NOS1: variants seen among roughly 807,000 people sequenced by gnomAD.
NOS1 encodes the protein nitric oxide synthase 1, also known as NOS type I.
NOS1 carries 51 observed loss-of-function variants against 164.5 expected under a neutral mutation model. The ratio of observed to expected loss-of-function variants is 0.31; its 90% CI spans 0.25 to 0.39. The LOEUF is 0.39. NOS1 is among the 10% of genes least tolerant of loss of function. The probability of loss-of-function intolerance (pLI) is 1.00; values close to 1 mark genes in which losing one functional copy is unlikely to be tolerated. For missense variants in NOS1, 1,362 were observed against 1,885.6 expected (o/e 0.72, Z 5.14); for synonymous variants, 719 against 745.8 (o/e 0.96, Z 0.59).
Position 117,330,993 on chromosome 12 carries a change from C to T in NOS1, c.77G>A (p.Gly26Glu). 3 of 1,614,198 alleles carry T rather than the reference C, an allele frequency of 1.9e-6. No individual in the cohort carries two copies. The highest frequency in any genetic ancestry group is 2.5e-6 in the Non-Finnish European group (3 of 1,180,044). ...CTCCTTCACCAGAAATCCCAGGCCCCCAACTTTGCGCTTGAAGAGACGAAC... is the reference window on the plus strand; with the variant it reads ...CTCCTTCACCAGAAATCCCAGGCCCTCAACTTTGCGCTTGAAGAGACGAAC... ...ISVRLFKRKV[G>E]GLGFLVKERV... Residue 26 changes from glycine to glutamate, a missense_variant, in exon 2 of 29, where the codon GGG becomes GAG. By Grantham distance (98) the Gly-to-Glu change is moderately conservative. This residue lies in a region of NOS1 where 362 missense variants were observed against 402.0 expected (regional missense o/e 0.90). Coordinates refer to ENST00000317775, the MANE Select transcript of NOS1 (RefSeq NM_000620.5). The surrounding 1 kb of genome is among the most constrained non-coding windows in gnomAD (Gnocchi z 4.6).
At chr12:117,326,052 G>A (rs1875229192) in intron 2 of NOS1, among the ~76,000 whole-genome samples, 1 of 152,150 alleles carries the variant, frequency 6.6e-6, no homozygotes, top group South Asian at 2.1e-4. Context: ...CCATGAATTA[G>A]CATCCAGTTA....
intron 25 of NOS1, among the ~76,000 whole-genome samples, chr12:117,223,527 T>C (rs1868385111): frequency 6.6e-6 from 1 of 151,710 alleles, no homozygotes; most frequent in African/African-American, 2.4e-5. Flanking sequence ...CCCAAAGTGT[T>C]AGGATTATAA....
In NOS1 at chr12:117,253,627, C is replaced by A. The variant is rs1280564373; in HGVS notation, c.2648+11G>T. On this transcript the variant is annotated intron_variant, in intron 17 of 28. Transcript: ENST00000317775. ...TTCCCTGACCCCCGACCCCCTTATCCCCTTGCTCACCTCACATTGGCCAGG... is the reference window on the plus strand; with the variant it reads ...TTCCCTGACCCCCGACCCCCTTATCACCTTGCTCACCTCACATTGGCCAGG... The A allele has an allele frequency of 1.9e-6, 3 of 1,596,044 alleles. No homozygotes were observed. The highest frequency in any genetic ancestry group is 1.1e-5 in the South Asian group (1 of 90,674).
Position 117,209,024 on chromosome 12 carries a change from G to T in NOS1, c.*6285C>A. On this transcript the variant is annotated 3_prime_UTR_variant, in exon 29 of 29. Transcript: ENST00000317775. ...AGGCATGAGCCACCACGCCTGGCCT[G>T]GGAGGGGTTTTTGAAAGCATACTGC... 1.0e-6 allele frequency: 1 copy of T among 985,012 alleles called. No individual in the cohort carries two copies. Among genetic ancestry groups the T allele is most frequent in the Non-Finnish European group, 1.2e-6 (1 of 829,670 alleles). 61.0% of individuals were successfully genotyped at this position (985,012 alleles called of 1,614,324 possible).
intron 26 of NOS1, 70 bp from the exon 27 acceptor site, chr12:117,220,339 C>A: frequency 6.8e-7 from 1 of 1,463,674 alleles, no homozygotes. Context: ...CATGTCTGCC[C>A]AGGAAGCAGA....
chr12:117,327,064 C>A (rs1330705004), intron 2 of NOS1, among the ~76,000 whole-genome samples: 1 of 152,132 alleles, frequency 6.6e-6, no homozygotes, highest in African/African-American at 2.4e-5. Context: ...TGAAATAGAG[C>A]CCCTCAGAAC....
At chr12:117,238,645 T>C (rs752093445) in intron 20 of NOS1, among the ~76,000 whole-genome samples, 12 of 152,148 alleles carry the variant, frequency 7.9e-5, no homozygotes, top group Non-Finnish European at 1.5e-4. Context: ...GCTTCCTGAG[T>C]AGCTGAGATT....
chr12:117,258,821 G>A (rs763055428), intron 15 of NOS1, among the ~76,000 whole-genome samples: 1 of 152,156 alleles, frequency 6.6e-6, no homozygotes, highest in South Asian at 2.1e-4. Flanking sequence ...TTTCACCAGG[G>A]ACTTGCTAAC....
rs1956527874 is a variant in NOS1 at position 117,211,484 on chromosome 12, G to T, written c.*3825C>A. The stretch of plus-strand genomic sequence containing the variant: ...TCCAATCGCCTTAATGTCCCTTTTT[G>T]AAAAACATTCTTAGGGACTCCCTGT... On this transcript the variant is annotated 3_prime_UTR_variant, in exon 29 of 29. Coordinates refer to ENST00000317775, the MANE Select transcript of NOS1 (RefSeq NM_000620.5). 1.0e-6 allele frequency: 1 copy of T among 984,334 alleles called. No homozygotes were observed. Among genetic ancestry groups the T allele is most frequent in the African/African-American group, 1.7e-5 (1 of 57,216 alleles). 61.0% of individuals were successfully genotyped at this position (984,334 alleles called of 1,614,324 possible).
intron 10 of NOS1, among the ~76,000 whole-genome samples, chr12:117,270,217 G>A (rs979291542): frequency 1.3e-5 from 2 of 152,166 alleles, no homozygotes; most frequent in African/African-American, 4.8e-5. Context: ...GTCACTGGTG[G>A]GAACCCAGGT....
At chr12:117,337,628 A>T (rs574198741) in intron 1 of NOS1, among the ~76,000 whole-genome samples, 1 of 152,304 alleles carries the variant, frequency 6.6e-6, no homozygotes, top group East Asian at 1.9e-4. Context: ...AAAATGACAA[A>T]GAGGGTTTGC....
rs1432786008 is a variant in NOS1, at chr12:117,272,592, A to T, written c.1665-33T>A. ...GAGCAACAGGGCCCAGCTCACCCGG[A>T]GCAGGTGTCTCATGGGCGGGACAGC... On this transcript the variant is annotated intron_variant, in intron 9 of 28. Transcript: ENST00000317775. The surrounding 1 kb of genome is among the most constrained non-coding windows in gnomAD (Gnocchi z 4.3). 2 of 1,600,486 alleles carry T rather than the reference A, an allele frequency of 1.2e-6. No homozygotes were observed. Among genetic ancestry groups the T allele is most frequent in the Non-Finnish European group, 1.7e-6 (2 of 1,173,238 alleles).
chr12:117,210,488 A>T lies in NOS1; in HGVS notation c.*4821T>A. The T allele has an allele frequency of 4.1e-6, 4 of 985,502 alleles. No homozygotes were observed. The highest frequency in any genetic ancestry group is 4.8e-6 in the Non-Finnish European group (4 of 829,984). The allele number at this position is 985,502 out of a possible 1,614,324, so 61.0% of individuals were successfully genotyped here. ...ATGCTGGGTATGTGGGGCAGCGGGT[A>T]GGGAAATATACAAGGAAACATGGCT... On this transcript the variant is annotated 3_prime_UTR_variant, in exon 29 of 29. Coordinates refer to ENST00000317775, the MANE Select transcript of NOS1 (RefSeq NM_000620.5).
chr12:117,353,301 A>G (rs1876715458), intron 1 of NOS1, among the ~76,000 whole-genome samples: 2 of 148,734 alleles, frequency 1.3e-5, no homozygotes. Context: ...CTATCTGTCT[A>G]TCTATCATCT....
intron 17 of NOS1, among the ~76,000 whole-genome samples, chr12:117,248,815 G>A (rs9658454): frequency 0.085 from 12,742 of 149,064 alleles, 1,740 homozygotes; most frequent in African/African-American, 0.3. Flanking sequence ...TCCCACCAAC[G>A]GTGTAAAAGT....
intron 16 of NOS1, 35 bp from the exon 17 acceptor site, chr12:117,253,789 CT>C: frequency 2.8e-6 from 4 of 1,450,810 alleles, no homozygotes; most frequent in South Asian, 1.1e-5. Flanking sequence ...GAGCTCTGGC[CT>C]GGAGCTCCCT....
At chr12:117,344,726 C>T (rs764105579) in intron 1 of NOS1, among the ~76,000 whole-genome samples, 43 of 152,148 alleles carry the variant, frequency 2.8e-4, no homozygotes, top group Non-Finnish European at 4.4e-4. Context: ...TTTTATAAAC[C>T]TCCTACAGGG....
At chr12:117,353,349 C>T (rs2136096047) in intron 1 of NOS1, among the ~76,000 whole-genome samples, 1 of 152,272 alleles carries the variant, frequency 6.6e-6, no homozygotes, top group South Asian at 2.1e-4. Context: ...ATCTACCTAC[C>T]TACTTACCTA....
rs142320664 is a variant in NOS1 at position 117,293,856 on chromosome 12, A to G, written c.853-3430T>C. ...TCATTTATACTTTCTAGCCTGTCTA[A>G]GTTATTGTGCCCATGTTTCCCTAGG... On this transcript the variant is annotated intron_variant, in intron 3 of 28. Transcript: ENST00000317775. Among the ~76,000 whole-genome samples the G allele has an allele frequency of 1.9e-3, 283 of 152,190 alleles. 1 individual carries two copies. Among genetic ancestry groups the G allele is most frequent in the Non-Finnish European group, 3.1e-3 (212 of 68,010 alleles).
Sources: gnomAD v4.1 joint callset for allele counts (sites outside exome capture counted in the v4.1 genomes callset) on GRCh38, gnomAD v4.1.1 for gene constraint, gnomAD v4.1.1 regional missense constraint, Gnocchi (gnomAD v3.1) non-coding constraint, MANE v1.5 for transcripts, NCBI Gene and HGNC (gene_info 2026-07-23, HGNC 2026-07-21) for gene names.